SEMA6A: variants seen among roughly 807,000 people sequenced by gnomAD.
SEMA6A encodes the protein semaphorin-6A.
SEMA6A carries 25 observed loss-of-function variants against 96.8 expected under a neutral mutation model. That is an observed-to-expected ratio of 0.26 (90% CI 0.19 to 0.36). The LOEUF is 0.36. Ranked by LOEUF, SEMA6A falls within the 10% of genes least tolerant of loss-of-function variation. The pLI is 1.00. For missense variants in SEMA6A, 1,363 were observed against 1,323.1 expected (o/e 1.03, Z -0.47); for synonymous variants, 612 against 518.0 (o/e 1.18, Z -2.46).
chr5:116,502,232 C>T lies in SEMA6A; in HGVS notation c.196G>A (p.Gly66Arg), dbSNP rs377047965. The T allele has an allele frequency of 1.7e-5, 27 of 1,613,838 alleles. No individual in the cohort carries two copies. The African/African-American group carries it at 2.1e-4, about 13-fold the overall frequency. Residue 66 changes from glycine (G) to arginine (R), a missense_variant, in exon 3 of 19, where the codon GGA becomes AGA. By Grantham distance (125) the Gly-to-Arg change is moderately radical. This residue lies in a region of SEMA6A where 480 missense variants were observed against 559.5 expected (regional missense o/e 0.86). Transcript: ENST00000343348. Reference protein sequence around the residue: ...LDIQMIMIMNGTLYIAARDHI... With the variant: ...LDIQMIMIMNRTLYIAARDHI... ...TACCTAGCAGCAATGTAGAGGGTTC[C>T]GTTCATGATCATAATCATCTGGATG... is the stretch of plus-strand genomic sequence containing the variant.
intron 10 of SEMA6A, among the ~76,000 whole-genome samples, chr5:116,484,279 C>G (rs1580419506): frequency 6.6e-6 from 1 of 152,006 alleles, no homozygotes; most frequent in East Asian, 1.9e-4. Context: ...TAAAGATATC[C>G]TAGGGTTTCG....
intron 2 of SEMA6A, 127 bp downstream of exon 2, chr5:116,504,718 C>T: frequency 1.5e-6 from 1 of 674,522 alleles, no homozygotes; most frequent in Middle Eastern, 2.5e-4. Context: ...AATTAGCCAC[C>T]TTTGCCACAT....
intron 1 of SEMA6A, among the ~76,000 whole-genome samples, chr5:116,513,762 C>T (rs115853955): frequency 0.025 from 3,748 of 152,132 alleles, 62 homozygotes; most frequent in Middle Eastern, 0.041. Context: ...CTATTCTTCC[C>T]GATGCTCTCC....
chr5:116,457,740 C>A (rs1417152607), intron 18 of SEMA6A, among the ~76,000 whole-genome samples: 1 of 152,034 alleles, frequency 6.6e-6, no homozygotes. Flanking sequence ...TACTTCAGGG[C>A]GTTTCCACAA....
intron 1 of SEMA6A, among the ~76,000 whole-genome samples, chr5:116,573,020 C>A (rs1486116796): frequency 2.0e-5 from 3 of 152,250 alleles, no homozygotes; most frequent in Admixed American, 1.3e-4. Context: ...CTCCCTGGCT[C>A]CCCCCGTGCC....
intron 18 of SEMA6A, among the ~76,000 whole-genome samples, chr5:116,461,265 C>T (rs1167850061): frequency 6.6e-6 from 1 of 152,096 alleles, no homozygotes; most frequent in East Asian, 1.9e-4. Flanking sequence ...TGACCATGCA[C>T]GTTCTACCTG....
At chr5:116,521,573 A>C (rs1758949526) in intron 1 of SEMA6A, among the ~76,000 whole-genome samples, 1 of 152,212 alleles carries the variant, frequency 6.6e-6, no homozygotes, top group Admixed American at 6.5e-5. Context: ...ATGTGTGTTT[A>C]GAATAGAAAG....
At chr5:116,561,836 G>A (rs1760828798) in intron 1 of SEMA6A, among the ~76,000 whole-genome samples, 2 of 152,094 alleles carry the variant, frequency 1.3e-5, no homozygotes, top group Admixed American at 1.3e-4. Flanking sequence ...GATATCCCTG[G>A]AGAATTAATT....
At chr5:116,506,631 A>C (rs1234663676) in intron 1 of SEMA6A, among the ~76,000 whole-genome samples, 3 of 152,014 alleles carry the variant, frequency 2.0e-5, no homozygotes, top group Admixed American at 2.0e-4. Flanking sequence ...AAAGTAAAAC[A>C]TAAACAAGAC....
chr5:116,488,857 C>T, intron 8 of SEMA6A, 31 bp downstream of exon 8: 1 of 1,541,244 alleles, frequency 6.5e-7, no homozygotes, highest in East Asian at 2.4e-5. Flanking sequence ...CCCCTCCCCT[C>T]CGACCCTCCT....
At chr5:116,526,548 G>A (rs79103414) in intron 1 of SEMA6A, among the ~76,000 whole-genome samples, 528 of 152,234 alleles carry the variant, frequency 3.5e-3, no homozygotes, top group African/African-American at 0.012. Context: ...GGGGTAGACA[G>A]GTATACCAAT....
In SEMA6A at chr5:116,447,397, G is replaced by A. The variant is rs1348469237; in HGVS notation, c.2309C>T (p.Pro770Leu). ...CTCCCACTCGCGGCTGCCGCGGCTG[G>A]GCTTCCGCTTCTGCTGCAGCGTTGG... ...STPTLQQKRKPSRGSREWERN... is the reference protein window; with the variant it reads ...STPTLQQKRKLSRGSREWERN... Residue 770 changes from proline to leucine, a missense_variant, in exon 19 of 19, where the codon CCC becomes CTC. By Grantham distance (98) the Pro-to-Leu change is moderately conservative. Around this residue, in one of 2 missense-constraint regions of SEMA6A, gnomAD observed 883 missense variants for 763.6 expected, o/e 1.16. Transcript: ENST00000343348. 2 of 1,614,060 alleles carry A rather than the reference G, an allele frequency of 1.2e-6. No homozygotes were observed.
intron 1 of SEMA6A, among the ~76,000 whole-genome samples, chr5:116,532,759 G>GAA (rs946184185): frequency 8.1e-5 from 12 of 147,810 alleles, no homozygotes; most frequent in Non-Finnish European, 1.6e-4. Flanking sequence ...TACTGGAAAA[G>GAA]AAAAAAAAAA....
chr5:116,458,342 T>C (rs1351599455), intron 18 of SEMA6A, among the ~76,000 whole-genome samples: 1 of 152,172 alleles, frequency 6.6e-6, no homozygotes, highest in Non-Finnish European at 1.5e-5. Context: ...CCTTGAAAGT[T>C]CCATTAAGCT....
intron 7 of SEMA6A, among the ~76,000 whole-genome samples, chr5:116,490,033 C>A (rs1256607388): frequency 2.0e-5 from 3 of 152,040 alleles, no homozygotes; most frequent in Non-Finnish European, 4.4e-5. Context: ...GTAGTGTAAA[C>A]ATAATGGTTT....
In SEMA6A at chr5:116,507,558, T is replaced by C. The variant is rs1234052572; in HGVS notation, c.-38-2576A>G. 2.6e-5 allele frequency among the ~76,000 whole-genome samples: 4 copies of C among 152,164 alleles called. 1 individual carries two copies. Among genetic ancestry groups the C allele is most frequent in the Non-Finnish European group, 5.9e-5 (4 of 68,022 alleles). ...CCTTGAGTGAGCAGTGTTGCTGCAA[T>C]TTAAGAGGCTGTTTAAGTCACTTTC... On this transcript the variant is annotated intron_variant, in intron 1 of 18. Coordinates refer to ENST00000343348, the MANE Select transcript of SEMA6A (RefSeq NM_020796.5).
At chr5:116,538,746 A>T (rs940488538) in intron 1 of SEMA6A, among the ~76,000 whole-genome samples, 2 of 151,896 alleles carry the variant, frequency 1.3e-5, no homozygotes, top group African/African-American at 4.8e-5. Flanking sequence ...ATAAATAAAT[A>T]AAATAAACAT....
At position 116,478,016 on chromosome 5, in the gene SEMA6A, T is replaced by C; in HGVS notation, c.1566A>G (p.Lys522=). Residue 522 remains lysine (K), a splice_region_variant and synonymous_variant, in exon 14 of 19, where the codon AAA becomes AAG. Coordinates refer to ENST00000343348, the MANE Select transcript of SEMA6A (RefSeq NM_020796.5). ...TGTCAATGAGGCAAAATACATACTTTTTACACTTCCCATGTCGTTCACACC... is the reference window on the plus strand; with the variant it reads ...TGTCAATGAGGCAAAATACATACTTCTTACACTTCCCATGTCGTTCACACC... ...LGRCERHGKC[K]KTCIASRDPY... 1.2e-6 allele frequency: 2 copies of C among 1,613,922 alleles called. No individual in the cohort carries two copies. The highest frequency in any genetic ancestry group is 1.7e-6 in the Non-Finnish European group (2 of 1,179,864).
rs535559064 is a variant in SEMA6A, at chr5:116,545,661, CCTTA to C, written c.-39+28520_-39+28523del. 5.6e-3 allele frequency among the ~76,000 whole-genome samples: 860 copies of C among 152,294 alleles called. 11 individuals are homozygous for C. The highest frequency in any genetic ancestry group is 0.02 in the African/African-American group (829 of 41,558). The stretch of plus-strand genomic sequence containing the variant: ...CCCTTTCTGCAGAAAGTAAAAATTG[CCTTA>C]CTGAGAAAATTAATGTTCAAGTGCT... On this transcript the variant is annotated intron_variant, in intron 1 of 18. Coordinates refer to ENST00000343348, the MANE Select transcript of SEMA6A (RefSeq NM_020796.5).
Sources: gnomAD v4.1 joint callset for allele counts (sites outside exome capture counted in the v4.1 genomes callset) on GRCh38, gnomAD v4.1.1 for gene constraint, gnomAD v4.1.1 regional missense constraint, MANE v1.5 for transcripts, NCBI Gene and HGNC (gene_info 2026-07-23, HGNC 2026-07-21) for gene names.